Variants in XYLB observed in about 807,000 individuals in gnomAD.
XYLB encodes xylulose kinase.
Under a neutral mutation model 78.7 loss-of-function variants are expected in XYLB, and 62 were observed. The observed-to-expected ratio is 0.79, with a 90% confidence interval of 0.64 to 0.97. XYLB has a LOEUF of 0.97. Ranked by LOEUF, XYLB falls within the 50% of genes least tolerant of loss-of-function variation. The pLI, the probability that XYLB is intolerant of heterozygous loss-of-function variation, is 0.00. For missense variants in XYLB, 687 were observed against 676.8 expected (o/e 1.02, Z -0.17); for synonymous variants, 245 against 247.4 (o/e 0.99, Z 0.09).
the XYLB span, among the ~76,000 whole-genome samples, chr3:38,436,278 G>A: frequency 6.6e-6 from 1 of 151,830 alleles, no homozygotes; most frequent in East Asian, 1.9e-4. Flanking sequence ...AGATCATCAG[G>A]GACTACTATG....
chr3:38,361,806 G>A (rs1705990619), intron 3 of XYLB, among the ~76,000 whole-genome samples: 1 of 152,266 alleles, frequency 6.6e-6, no homozygotes, highest in Non-Finnish European at 1.5e-5. Flanking sequence ...CACAGATAGA[G>A]ATGGCAGCCA....
chr3:38,434,488 G>A, the XYLB span, among the ~76,000 whole-genome samples: 4 of 152,194 alleles, frequency 2.6e-5, no homozygotes, highest in Admixed American at 6.5e-5. Flanking sequence ...CTTCATAAAT[G>A]AAGGAGAAAT....
chr3:38,416,335 G>T (rs58817168), downstream of XYLB, among the ~76,000 whole-genome samples: 16 of 152,132 alleles, frequency 1.1e-4, no homozygotes, highest in East Asian at 3.1e-3. Flanking sequence ...GAGCATTAAA[G>T]GTGTACTATA....
intron 3 of XYLB, 62 bp downstream of exon 3, chr3:38,360,470 A>G: frequency 6.9e-7 from 1 of 1,453,350 alleles, no homozygotes; most frequent in East Asian, 2.4e-5. Context: ...AGACTCGGTG[A>G]TTTGCTAGGA....
chr3:38,417,994 TCAGCC>T (rs1708854099), downstream of XYLB, among the ~76,000 whole-genome samples: 1 of 150,532 alleles, frequency 6.6e-6, no homozygotes, highest in South Asian at 2.1e-4. Flanking sequence ...GAGTTCAAGA[TCAGCC>T]TGGCCAACAT....
downstream of XYLB, among the ~76,000 whole-genome samples, chr3:38,418,626 C>G (rs1174862625): frequency 6.6e-6 from 1 of 152,170 alleles, no homozygotes; most frequent in Non-Finnish European, 1.5e-5. Flanking sequence ...TGAGGAAGAT[C>G]TCTATGTACC....
At chr3:38,448,488 A>AT in the XYLB span, among the ~76,000 whole-genome samples, 237 of 152,332 alleles carry the variant, frequency 1.6e-3, no homozygotes, top group African/African-American at 5.5e-3. Context: ...TCCTTGACTG[A>AT]TAATCCCATT....
rs1446831536 is a variant in XYLB at position 38,346,831 on chromosome 3, G to GGACGGACT, written c.-30_-23dup. On this transcript the variant is annotated 5_prime_UTR_variant, in exon 1 of 19. Transcript: ENST00000207870. ...GCGACTATCACGCCGCGTGGCGGAC[G>GGACGGACT]GACGGACTGACGGACGCGCAGCCTT... The GGACGGACT allele has an allele frequency of 6.1e-6, 9 of 1,480,942 alleles. No individual in the cohort carries two copies. Among genetic ancestry groups the GGACGGACT allele is most frequent in the Non-Finnish European group, 3.6e-6 (4 of 1,115,070 alleles). The allele number at this position is 1,480,942 out of a possible 1,614,324, so 91.7% of individuals were successfully genotyped here. A position where few individuals can be genotyped will look rare whatever the true frequency, so the allele number is the denominator to read the frequency against.
At chr3:38,368,785 C>T (rs949160226) in intron 8 of XYLB, among the ~76,000 whole-genome samples, 16 of 152,104 alleles carry the variant, frequency 1.1e-4, no homozygotes, top group South Asian at 8.3e-4. Context: ...ACACTAGGTA[C>T]GGTTGACCCA....
chr3:38,408,655 G>A (rs1190516256), intron 18 of XYLB, among the ~76,000 whole-genome samples: 18 of 150,500 alleles, frequency 1.2e-4, no homozygotes, highest in African/African-American at 4.1e-4. Context: ...TAATAAAGAA[G>A]AAAAGAGAGA....
intron 2 of XYLB, among the ~76,000 whole-genome samples, chr3:38,351,171 CAAAA>C (rs58457623): frequency 5.1e-3 from 118 of 23,060 alleles, no homozygotes; most frequent in African/African-American, 6.9e-3. Flanking sequence ...GAGCCTGTCT[CAAAA>C]AAAAAAAAAA....
At chr3:38,418,131 G>A (rs1158538362), downstream of XYLB, among the ~76,000 whole-genome samples, 4 of 148,808 alleles carry the variant, frequency 2.7e-5, no homozygotes, top group Non-Finnish European at 5.9e-5. Context: ...GGAAGTGGAA[G>A]TTGCAGTAAG....
chr3:38,403,357 T>C (rs541524350), intron 18 of XYLB, among the ~76,000 whole-genome samples: 11 of 152,010 alleles, frequency 7.2e-5, no homozygotes, highest in Non-Finnish European at 1.5e-4. Context: ...GCTTTTGAAA[T>C]TTGGTGTGCA....
downstream of XYLB, among the ~76,000 whole-genome samples, chr3:38,417,708 C>T (rs1026309608): frequency 2.0e-5 from 3 of 151,726 alleles, no homozygotes; most frequent in African/African-American, 7.3e-5. Flanking sequence ...GGTGAAACCC[C>T]ATCTCTACTA....
intron 18 of XYLB, among the ~76,000 whole-genome samples, chr3:38,409,676 A>C (rs1474516659): frequency 6.6e-6 from 1 of 152,256 alleles, no homozygotes; most frequent in African/African-American, 2.4e-5. Context: ...GCTGATAAGC[A>C]ACTTCAGCAA....
At chr3:38,406,990 C>G (rs1708350309) in intron 18 of XYLB, among the ~76,000 whole-genome samples, 3 of 149,886 alleles carry the variant, frequency 2.0e-5, no homozygotes, top group East Asian at 1.9e-4. Flanking sequence ...CTTCCCCAAT[C>G]TAGCAAGGCA....
chr3:38,416,076 C>T (rs527767123), downstream of XYLB, among the ~76,000 whole-genome samples: 89 of 152,222 alleles, frequency 5.8e-4, no homozygotes, highest in Admixed American at 1.2e-3. Flanking sequence ...CCAGGTCTCG[C>T]CCTCAACACC....
chr3:38,423,839 G>T (rs1017010726), downstream of XYLB, among the ~76,000 whole-genome samples: 3 of 152,146 alleles, frequency 2.0e-5, no homozygotes, highest in Non-Finnish European at 2.9e-5. Flanking sequence ...TTTAATTATA[G>T]CTCCTGACAA....
intron 11 of XYLB, 85 bp downstream of exon 11, chr3:38,374,587 A>G: frequency 6.3e-7 from 1 of 1,577,720 alleles, no homozygotes; most frequent in Non-Finnish European, 8.7e-7. Context: ...TGCTGCTGAG[A>G]CCCAGATCCC....
Sources: allele counts gnomAD v4.1 joint callset (sites outside exome capture counted in the v4.1 genomes callset), GRCh38; gene constraint gnomAD v4.1.1; transcripts MANE v1.5; gene names NCBI Gene and HGNC (gene_info 2026-07-23, HGNC 2026-07-21).